The following DLGAP2 variants were observed in gnomAD, a reference collection of about 807,000 sequenced individuals.
DLGAP2 encodes the protein DLG associated protein 2, also known as disks large-associated protein 2.
DLGAP2 carries 26 observed loss-of-function variants against 100.3 expected under a neutral mutation model. That is an observed-to-expected ratio of 0.26 (90% CI 0.19 to 0.36). The LOEUF (loss-of-function observed/expected upper bound fraction) is 0.36, where lower values mean the gene tolerates loss of function less well. Among genes scored for constraint, DLGAP2 ranks in the 10% least tolerant of loss-of-function variants. The probability of loss-of-function intolerance (pLI) is 1.00; values close to 1 mark genes in which losing one functional copy is unlikely to be tolerated. For synonymous variants in DLGAP2, 886 were observed against 630.1 expected (o/e 1.41, Z -6.08); for missense variants, 1,858 against 1,453.2 (o/e 1.28, Z -4.53).
chr8:1,560,176 G>A (rs1393148975), intron 5 of DLGAP2, among the ~76,000 whole-genome samples: 2 of 152,192 alleles, frequency 1.3e-5, no homozygotes, highest in Non-Finnish European at 2.9e-5. Flanking sequence ...ATCTCCTAGT[G>A]ACGGTCCCTG....
At chr8:1,564,566 A>C (rs562754463) in intron 5 of DLGAP2, among the ~76,000 whole-genome samples, 1 of 152,228 alleles carries the variant, frequency 6.6e-6, no homozygotes, top group East Asian at 1.9e-4. Flanking sequence ...ACATGGGCCC[A>C]GTTCTGTGCC....
intron 3 of DLGAP2, among the ~76,000 whole-genome samples, chr8:1,387,121 A>C (rs1235006141): frequency 3.9e-5 from 6 of 152,200 alleles, no homozygotes; most frequent in Non-Finnish European, 7.3e-5. Context: ...GCAAAACAGC[A>C]GAGCCGTCGT....
At chr8:1,073,103 C>A (rs993790472) in intron 2 of DLGAP2, among the ~76,000 whole-genome samples, 1 of 152,202 alleles carries the variant, frequency 6.6e-6, no homozygotes, top group Non-Finnish European at 1.5e-5. Flanking sequence ...TGAAGTCAGT[C>A]TCGTAGCTGT....
rs186035805 is a variant in DLGAP2 at position 1,354,165 on chromosome 8, G to A, written c.106+95282G>A. Among the ~76,000 whole-genome samples the A allele has an allele frequency of 5.6e-4, 85 of 152,192 alleles. 1 individual carries two copies. Among genetic ancestry groups the A allele is most frequent in the African/African-American group, 1.9e-3 (79 of 41,532 alleles). On this transcript the variant is annotated intron_variant, in intron 3 of 14. Transcript: ENST00000637795. ...AAAGGATATTCTCTCAGCATGAACCGTTAAAAACAACCTGCTCACCAGTGG... is the reference window on the plus strand; with the variant it reads ...AAAGGATATTCTCTCAGCATGAACCATTAAAAACAACCTGCTCACCAGTGG...
At chr8:1,602,199 C>T (rs956368923) in intron 6 of DLGAP2, among the ~76,000 whole-genome samples, 1 of 151,996 alleles carries the variant, frequency 6.6e-6, no homozygotes, top group African/African-American at 2.4e-5. Flanking sequence ...GTTGAATGGC[C>T]CAATATGACA....
At chr8:1,684,520 T>C (rs1293505187) in intron 12 of DLGAP2, among the ~76,000 whole-genome samples, 2 of 152,252 alleles carry the variant, frequency 1.3e-5, no homozygotes, top group South Asian at 2.1e-4. Context: ...ATTTCCATTA[T>C]ATGAAGTAAT....
chr8:1,063,699 A>G (rs1472017144), intron 2 of DLGAP2, among the ~76,000 whole-genome samples: 1 of 152,150 alleles, frequency 6.6e-6, no homozygotes, highest in Non-Finnish European at 1.5e-5. Flanking sequence ...AATATCTTAC[A>G]TTAAAATGTT....
intron 3 of DLGAP2, among the ~76,000 whole-genome samples, chr8:1,304,311 G>C (rs953607695): frequency 6.6e-6 from 1 of 152,192 alleles, no homozygotes; most frequent in Non-Finnish European, 1.5e-5. Flanking sequence ...GGTGCAGCTG[G>C]CCCTGATGAT....
At position 1,258,914 on chromosome 8, in the gene DLGAP2, CG is replaced by C. The variant is rs1358790125; in HGVS notation, c.106+36del. On this transcript the variant is annotated intron_variant, in intron 3 of 14. Transcript: ENST00000637795. The stretch of plus-strand genomic sequence containing the variant: ...TACCTGACATGCTGCCTGGGGTGGG[CG>C]GGGGCCGCGCGGCTCACAGGTGTGT... The C allele has an allele frequency of 4.1e-6, 5 of 1,231,372 alleles. No individual in the cohort carries two copies. The East Asian group carries it at 1.3e-4, about 31-fold the overall frequency. 76.3% of individuals were successfully genotyped at this position (1,231,372 alleles called of 1,614,324 possible).
chr8:1,283,194 T>TCTGGACGTGGTGTGACCTGAAC (rs1799854902), intron 3 of DLGAP2, among the ~76,000 whole-genome samples: 1 of 145,962 alleles, frequency 6.9e-6, no homozygotes, highest in African/African-American at 2.6e-5. Context: ...ACGTGAACCA[T>TCTGGACGTGGTGTGACCTGAAC]CCAGACGTGG....
intron 2 of DLGAP2, among the ~76,000 whole-genome samples, chr8:1,177,620 A>C (rs1314080133): frequency 1.3e-5 from 2 of 152,196 alleles, no homozygotes; most frequent in African/African-American, 2.4e-5. Context: ...AGCCTGTCTT[A>C]GTCCATTTGG....
chr8:822,758 G>A lies in DLGAP2; in HGVS notation c.18+84933G>A, dbSNP rs140515706. Reference sequence around the variant, plus strand: ...GGAGTGCATGTCCACAGGCCTGGGCGTGGTGAGATGGGACACAGCCTTCGG... The same window carrying A: ...GGAGTGCATGTCCACAGGCCTGGGCATGGTGAGATGGGACACAGCCTTCGG... On this transcript the variant is annotated intron_variant, in intron 1 of 14. Coordinates refer to ENST00000637795, the MANE Select transcript of DLGAP2 (RefSeq NM_001346810.2). Among the ~76,000 whole-genome samples, 23 of 152,288 alleles carry A rather than the reference G, an allele frequency of 1.5e-4. No homozygotes were observed. The East Asian group carries it at 3.7e-3, about 24-fold the overall frequency.
At chr8:1,616,590 C>A (rs573521730) in intron 6 of DLGAP2, among the ~76,000 whole-genome samples, 1 of 152,102 alleles carries the variant, frequency 6.6e-6, no homozygotes, top group Non-Finnish European at 1.5e-5. Context: ...GGAATCATAC[C>A]TTTAAAGTGA....
chr8:983,423 C>G (rs1321826338), intron 2 of DLGAP2, among the ~76,000 whole-genome samples: 2 of 151,726 alleles, frequency 1.3e-5, no homozygotes, highest in Admixed American at 1.3e-4. Context: ...TTAGAATCCA[C>G]GTGTTGGTGG....
intron 2 of DLGAP2, among the ~76,000 whole-genome samples, chr8:970,415 C>T (rs1291935119): frequency 6.6e-6 from 1 of 152,188 alleles, no homozygotes; most frequent in Non-Finnish European, 1.5e-5. Flanking sequence ...AGAGAGGTGG[C>T]TGATCAACGT....
Position 1,355,526 on chromosome 8 carries a change from G to C in DLGAP2, c.106+96643G>C, listed in dbSNP as rs901477207. Among the ~76,000 whole-genome samples, 7 of 151,742 alleles carry C rather than the reference G, an allele frequency of 4.6e-5. 1 individual carries two copies. Among genetic ancestry groups the C allele is most frequent in the African/African-American group, 1.7e-4 (7 of 41,156 alleles). ...ATTACAGGTGTGTGCCACCATGCTT[G>C]GCTAATTTTTGTATTTTTAGTAGAG... is the stretch of plus-strand genomic sequence containing the variant. On this transcript the variant is annotated intron_variant, in intron 3 of 14. Coordinates refer to ENST00000637795, the MANE Select transcript of DLGAP2 (RefSeq NM_001346810.2).
chr8:1,677,908 T>C (rs938196048), intron 11 of DLGAP2, among the ~76,000 whole-genome samples: 46 of 152,174 alleles, frequency 3.0e-4, no homozygotes, highest in African/African-American at 1.4e-4. Context: ...GAAAGGGAGG[T>C]AGCCATTTGC....
At chr8:1,058,164 T>G (rs973847595) in intron 2 of DLGAP2, among the ~76,000 whole-genome samples, 2 of 151,562 alleles carry the variant, frequency 1.3e-5, no homozygotes, top group African/African-American at 4.8e-5. Context: ...GCGGCGGGTC[T>G]GGGGGCGCGG....
At chr8:1,318,998 A>G (rs182373631) in intron 3 of DLGAP2, among the ~76,000 whole-genome samples, 88 of 152,204 alleles carry the variant, frequency 5.8e-4, no homozygotes, top group African/African-American at 2.1e-3. Context: ...TGGGGCTTTC[A>G]GGAGATTTAG....
Sources: gnomAD v4.1 joint callset for allele counts (sites outside exome capture counted in the v4.1 genomes callset) on GRCh38, gnomAD v4.1.1 for gene constraint, MANE v1.5 for transcripts, NCBI Gene and HGNC (gene_info 2026-07-23, HGNC 2026-07-21) for gene names.